SRCIN1: variants seen among roughly 807,000 people sequenced by gnomAD.
SRCIN1 encodes P130Cas-associated protein.
SRCIN1 carries 50 observed loss-of-function variants against 116.2 expected under a neutral mutation model. The ratio of observed to expected loss-of-function variants is 0.43; its 90% CI spans 0.34 to 0.54. The LOEUF (loss-of-function observed/expected upper bound fraction) is 0.54. Ranked by LOEUF, SRCIN1 falls within the 20% of genes least tolerant of loss-of-function variation. SRCIN1 has a pLI of 0.02. For synonymous variants in SRCIN1, 736 were observed against 750.0 expected, an observed-to-expected ratio of 0.98 and a Z score of 0.30; for missense variants, 1,446 against 1,672.0, an observed-to-expected ratio of 0.86 and a Z score of 2.36.
chr17:38,562,230 C>T lies in SRCIN1; in HGVS notation c.933G>A (p.Gly311=). The T allele has an allele frequency of 1.4e-6, 2 of 1,448,324 alleles. No homozygotes were observed. The highest frequency in any genetic ancestry group is 6.0e-5 in the East Asian group (2 of 33,360). 89.7% of individuals were successfully genotyped at this position (1,448,324 alleles called of 1,614,324 possible). The change falls in exon 7 of 19, where the codon GGG becomes GGA. Residue 311 remains glycine, a synonymous_variant. Transcript: ENST00000617146. This position sits in a 1 kb window ranked among gnomAD's most constrained non-coding sequence, Gnocchi z 4.2. ...PHLASGSPPP[G]LPSGLPSGLQ... is the part of the protein sequence containing the mutation. ...GCCCGGACGGCAGCCCCGACGGCAG[C>T]CCGGGCGGCGGCGAGCCGGATGCCA...
Position 38,605,821 on chromosome 17 carries a change from G to T in SRCIN1, c.-116C>A. 1 of 271,554 alleles carries T rather than the reference G, an allele frequency of 3.7e-6. No individual in the cohort carries two copies. Among genetic ancestry groups the T allele is most frequent in the Non-Finnish European group, 5.6e-6 (1 of 179,304 alleles). The allele number at this position is 271,554 out of a possible 1,614,324, so 16.8% of individuals were successfully genotyped here. A position where few individuals can be genotyped will look rare whatever the true frequency, so the allele number is the denominator to read the frequency against. ...CCCGGGGCGCGGTGCCAGGCGGGCG[G>T]GCCGGGGGCGCGGGCCCCGCCGGGG... is the stretch of plus-strand genomic sequence containing the variant. On this transcript the variant is annotated 5_prime_UTR_variant, in exon 1 of 19. Coordinates refer to ENST00000617146, the MANE Select transcript of SRCIN1 (RefSeq NM_025248.3).
At chr17:38,606,155 ACTCT>A (rs966991806), upstream of SRCIN1, among the ~76,000 whole-genome samples, 21 of 150,672 alleles carry the variant, frequency 1.4e-4, no homozygotes, top group African/African-American at 4.9e-4. The surrounding 1 kb of genome is among the most constrained non-coding windows in gnomAD (Gnocchi z 5.2). Context: ...GGGCGCGCTC[ACTCT>A]CTCCTTCCCG....
Position 38,551,870 on chromosome 17 carries a change from T to G in SRCIN1, c.2727+16A>C, listed in dbSNP as rs770539104. On this transcript the variant is annotated intron_variant, in intron 14 of 18. Transcript: ENST00000617146. ...ACCTGGCTCATGGCCCCACCCACAA[T>G]CCCTGGCCCCAGCACCTCAACAGAC... 6.2e-7 allele frequency: 1 copy of G among 1,613,186 alleles called. No homozygotes were observed. Among genetic ancestry groups the G allele is most frequent in the East Asian group, 2.2e-5 (1 of 44,894 alleles).
At chr17:38,599,985 T>C (rs765251446) in intron 1 of SRCIN1, among the ~76,000 whole-genome samples, 1 of 152,248 alleles carries the variant, frequency 6.6e-6, no homozygotes, top group East Asian at 1.9e-4. Flanking sequence ...GATTGTTTAT[T>C]ATCCCAACAA....
chr17:38,606,130 C>A (rs1909358028), upstream of SRCIN1, among the ~76,000 whole-genome samples: 1 of 150,902 alleles, frequency 6.6e-6, no homozygotes, highest in African/African-American at 2.4e-5. This position sits in a 1 kb window ranked among gnomAD's most constrained non-coding sequence, Gnocchi z 5.2. Context: ...CAGCGCGCGG[C>A]CGGGGCCGGG....
At chr17:38,583,548 G>GTTTTTTTTTTTTTTT (rs10691272) in intron 1 of SRCIN1, among the ~76,000 whole-genome samples, 3 of 104,294 alleles carry the variant, frequency 2.9e-5, no homozygotes, top group Admixed American at 9.4e-5. Flanking sequence ...TTCATTTTCT[G>GTTTTTTTTTTTTTTT]TTTTTTTTTT....
chr17:38,599,813 A>C (rs2143457415), intron 1 of SRCIN1, among the ~76,000 whole-genome samples: 1 of 152,280 alleles, frequency 6.6e-6, no homozygotes, highest in East Asian at 1.9e-4. Context: ...GGGTGGGATG[A>C]GGGAACAGCA....
intron 1 of SRCIN1, among the ~76,000 whole-genome samples, chr17:38,597,151 G>A (rs1170019409): frequency 6.6e-6 from 1 of 152,126 alleles, no homozygotes; most frequent in Non-Finnish European, 1.5e-5. Flanking sequence ...CTAAAACATC[G>A]ACATCCCAGG....
intron 1 of SRCIN1, among the ~76,000 whole-genome samples, chr17:38,582,169 C>T (rs945126100): frequency 9.2e-5 from 14 of 152,284 alleles, no homozygotes; most frequent in African/African-American, 3.4e-4. Flanking sequence ...TTATCATCTC[C>T]CAGCTGCTTC....
intron 1 of SRCIN1, among the ~76,000 whole-genome samples, chr17:38,594,935 C>A (rs1314249232): frequency 6.6e-6 from 1 of 152,138 alleles, no homozygotes. Context: ...CCTTAGCCAT[C>A]AAGGTCACTA....
chr17:38,562,087 T>G lies in SRCIN1; in HGVS notation c.1076A>C (p.Gln359Pro). Residue 359 changes from glutamine to proline, a missense_variant, in exon 7 of 19, where the codon CAG (glutamine) becomes CCG (proline). Coordinates refer to ENST00000617146, the MANE Select transcript of SRCIN1 (RefSeq NM_025248.3). The surrounding 1 kb of genome is among the most constrained non-coding windows in gnomAD (Gnocchi z 4.2). Reference protein sequence around the residue: ...AERLGGAPAAQGVSPSPSAIL... With the variant: ...AERLGGAPAAPGVSPSPSAIL... ...GGCGCTGGGGCTGGGGCTGACGCCC[T>G]GGGCGGCCGGGGCGCCTCCCAGCCT... The G allele has an allele frequency of 6.9e-7, 1 of 1,446,178 alleles. No individual in the cohort carries two copies. Among genetic ancestry groups the G allele is most frequent in the Non-Finnish European group, 9.0e-7 (1 of 1,106,048 alleles). The allele number at this position is 1,446,178 out of a possible 1,614,324, so 89.6% of individuals were successfully genotyped here.
chr17:38,598,159 G>A (rs770272307), intron 1 of SRCIN1, among the ~76,000 whole-genome samples: 1 of 152,128 alleles, frequency 6.6e-6, no homozygotes, highest in Non-Finnish European at 1.5e-5. Context: ...CCTCTGCACA[G>A]AGTCCTAACT....
intron 18 of SRCIN1, among the ~76,000 whole-genome samples, chr17:38,539,358 G>T (rs940425190): frequency 6.6e-6 from 1 of 152,200 alleles, no homozygotes; most frequent in Admixed American, 6.5e-5. Flanking sequence ...CCAAAGTGGG[G>T]ATTACAGGCG....
intron 18 of SRCIN1, among the ~76,000 whole-genome samples, chr17:38,538,431 A>AAAT (rs1555604571): frequency 1.9e-4 from 27 of 138,590 alleles, no homozygotes; most frequent in Admixed American, 5.7e-4. Context: ...AAAAAAAAAA[A>AAAT]AATAATAATA....
chr17:38,564,206 C>T lies in SRCIN1; in HGVS notation c.453G>A (p.Glu151=), dbSNP rs1317020175. ...TCATCCTGCTGAAGCCCAGGGGCAG[C>T]TCGGCCTCCGACATGGTCTCCAGCG... The part of the protein sequence containing the change: ...AESLETMSEA[E]LPLGFSRMNR... The change falls in exon 4 of 19, where the codon GAG becomes GAA. Residue 151 remains glutamate (E), a synonymous_variant. Transcript: ENST00000617146. 1.3e-6 allele frequency: 2 copies of T among 1,586,288 alleles called. No homozygotes were observed. The highest frequency in any genetic ancestry group is 4.6e-5 in the East Asian group (2 of 43,470).
Position 38,563,187 on chromosome 17 carries a change from CG to C in SRCIN1, c.740+135del. 1.0e-6 allele frequency: 1 copy of C among 958,984 alleles called. No individual in the cohort carries two copies. Among genetic ancestry groups the C allele is most frequent in the Non-Finnish European group, 1.5e-6 (1 of 649,956 alleles). 59.4% of individuals were successfully genotyped at this position (958,984 alleles called of 1,614,324 possible). ...GAGATGGCCGAGGAAGGGGGCGGGG[CG>C]GTAGGGCTCTGGGAGGGGAGGGGAA... On this transcript the variant is annotated intron_variant, in intron 5 of 18. Transcript: ENST00000617146. This position sits in a 1 kb window ranked among gnomAD's most constrained non-coding sequence, Gnocchi z 5.8.
At chr17:38,535,100 C>A (rs1168247881) in intron 18 of SRCIN1, among the ~76,000 whole-genome samples, 2 of 152,020 alleles carry the variant, frequency 1.3e-5, no homozygotes, top group Non-Finnish European at 2.9e-5. Flanking sequence ...CCACTGCACT[C>A]CAGCCTGGGT....
chr17:38,598,201 G>A (rs994581836), intron 1 of SRCIN1, among the ~76,000 whole-genome samples: 1 of 152,082 alleles, frequency 6.6e-6, no homozygotes, highest in African/African-American at 2.4e-5. Context: ...GGACAAGAAT[G>A]GGGGACTCAT....
Position 38,561,069 on chromosome 17 carries a change from T to C in SRCIN1, c.1700+394A>G, listed in dbSNP as rs569033589. The stretch of plus-strand genomic sequence containing the variant: ...TTTTCAACAGCACCCTCCTCCCCAG[T>C]GGACTTCAGCTGTCCCGGTGCTGGA... On this transcript the variant is annotated intron_variant, in intron 7 of 18. Coordinates refer to ENST00000617146, the MANE Select transcript of SRCIN1 (RefSeq NM_025248.3). Among the ~76,000 whole-genome samples the C allele has an allele frequency of 1.2e-4, 18 of 152,292 alleles. No homozygotes were observed. In the South Asian group the frequency reaches 3.7e-3, roughly 32 times the overall value.
Sources: allele counts gnomAD v4.1 joint callset (sites outside exome capture counted in the v4.1 genomes callset), GRCh38; gene constraint gnomAD v4.1.1; non-coding constraint Gnocchi (gnomAD v3.1); transcripts MANE v1.5; gene names NCBI Gene and HGNC (gene_info 2026-07-23, HGNC 2026-07-21).